The following WDPCP variants were observed in gnomAD, a reference collection of about 807,000 sequenced individuals.
WDPCP encodes WD repeat-containing and planar cell polarity effector protein fritz homolog.
Under a neutral mutation model 93.1 loss-of-function variants are expected in WDPCP, and 71 were observed. That is an observed-to-expected ratio of 0.76 (90% CI 0.63 to 0.93). WDPCP has a LOEUF of 0.93. WDPCP is among the 40% of genes least tolerant of loss of function. WDPCP has a pLI of 0.00. For synonymous variants in WDPCP, 315 were observed against 315.0 expected (o/e 1.00, Z 0.00); for missense variants, 844 against 887.4 (o/e 0.95, Z 0.62).
intron 1 of WDPCP, among the ~76,000 whole-genome samples, chr2:63,525,438 CTT>C (rs976792656): frequency 6.6e-6 from 1 of 152,138 alleles, no homozygotes; most frequent in Non-Finnish European, 1.5e-5. Context: ...TAAAAAGTCT[CTT>C]TCTCTCATTG....
intron 2 of WDPCP, among the ~76,000 whole-genome samples, chr2:63,725,588 T>C (rs1669485805): frequency 1.3e-5 from 2 of 152,234 alleles, no homozygotes; most frequent in Non-Finnish European, 2.9e-5. Context: ...AGTCAAATGG[T>C]AGCTCTGTTT....
chr2:63,608,578 G>A (rs1709579274), intron 3 of WDPCP, among the ~76,000 whole-genome samples: 1 of 152,120 alleles, frequency 6.6e-6, no homozygotes, highest in Non-Finnish European at 1.5e-5. Context: ...GGAGGCCAGG[G>A]CAGGAGGATT....
intron 2 of WDPCP, among the ~76,000 whole-genome samples, chr2:63,762,199 G>A (rs1659694611): frequency 6.6e-6 from 1 of 152,160 alleles, no homozygotes; most frequent in Non-Finnish European, 1.5e-5. Context: ...GTAAATGTGG[G>A]AGTCTGAATC....
intron 2 of WDPCP, among the ~76,000 whole-genome samples, chr2:63,808,648 A>G (rs528902682): frequency 1.2e-3 from 176 of 152,248 alleles, no homozygotes; most frequent in Middle Eastern, 0.01. Context: ...TTAGTGCTCA[A>G]TGGTGCCCAG....
intron 10 of WDPCP, among the ~76,000 whole-genome samples, chr2:63,392,510 G>A (rs893580112): frequency 4.6e-5 from 7 of 152,002 alleles, no homozygotes; most frequent in Non-Finnish European, 7.4e-5. Flanking sequence ...CAAAAGCAAT[G>A]GCAACAAAAG....
intron 13 of WDPCP, among the ~76,000 whole-genome samples, chr2:63,280,442 G>C (rs373073703): frequency 6.6e-6 from 1 of 152,114 alleles, no homozygotes; most frequent in Non-Finnish European, 1.5e-5. Flanking sequence ...CCCACAACAC[G>C]TGGGAATTCT....
intron 13 of WDPCP, among the ~76,000 whole-genome samples, chr2:63,281,845 A>T (rs1683578858): frequency 6.6e-6 from 1 of 152,150 alleles, no homozygotes; most frequent in Non-Finnish European, 1.5e-5. Context: ...GGTGCGGTGA[A>T]TGATAAAAGA....
At chr2:63,279,688 T>C (rs1313597891) in intron 13 of WDPCP, among the ~76,000 whole-genome samples, 1 of 152,186 alleles carries the variant, frequency 6.6e-6, no homozygotes, top group Non-Finnish European at 1.5e-5. Context: ...TTGCTGATGT[T>C]ATGATCATAT....
chr2:63,439,846 A>G lies in WDPCP; in HGVS notation c.410T>C (p.Val137Ala), dbSNP rs780789710. The G allele has an allele frequency of 1.7e-5, 27 of 1,613,272 alleles. No individual in the cohort carries two copies. In the South Asian group the frequency reaches 2.1e-4, roughly 12 times the overall value. ...CTGCGGCCCAGAAAGGCTTAGAGAC[A>G]CCAGCACACCTGAACCAAAAAGGAG... is the stretch of plus-strand genomic sequence containing the variant. ...CQLLFGSGVL[V>A]SLSLSGPQLE... The change falls in exon 7 of 18, where the codon GTG becomes GCG. Residue 137 changes from valine to alanine, a missense_variant. Coordinates refer to ENST00000272321, the MANE Select transcript of WDPCP (RefSeq NM_015910.7).
Position 63,560,491 on chromosome 2 carries a change from GA to G in WDPCP, c.75+27705del, listed in dbSNP as rs1300482353. Among the ~76,000 whole-genome samples the G allele has an allele frequency of 6.6e-5, 10 of 152,112 alleles. No individual in the cohort carries two copies. The East Asian group carries it at 1.9e-3, about 29-fold the overall frequency. On this transcript the variant is annotated intron_variant, in intron 1 of 17. Coordinates refer to ENST00000272321, the MANE Select transcript of WDPCP (RefSeq NM_015910.7). The stretch of plus-strand genomic sequence containing the variant: ...CAAACCTGACAAAAATAAGCAATGG[GA>G]AAAGGATTCCCTATTTAATAAATGC...
chr2:63,252,135 T>C (rs549317899), intron 14 of WDPCP, among the ~76,000 whole-genome samples: 100 of 152,222 alleles, frequency 6.6e-4, no homozygotes, highest in Admixed American at 1.6e-3. Flanking sequence ...GTTCAACATA[T>C]GCAGATCAAT....
chr2:63,304,145 CA>C (rs1239702289), intron 13 of WDPCP, among the ~76,000 whole-genome samples: 1 of 151,980 alleles, frequency 6.6e-6, no homozygotes, highest in Non-Finnish European at 1.5e-5. Context: ...GGCATCTACC[CA>C]AAGGAAAATA....
intron 6 of WDPCP, among the ~76,000 whole-genome samples, chr2:63,460,802 AT>A (rs1171114026): frequency 6.6e-6 from 1 of 151,746 alleles, no homozygotes; most frequent in Non-Finnish European, 1.5e-5. Flanking sequence ...AATTTTTTGT[AT>A]TTTTAGTAGA....
intron 14 of WDPCP, among the ~76,000 whole-genome samples, chr2:63,238,991 C>G (rs532365697): frequency 1.7e-4 from 26 of 152,254 alleles, no homozygotes; most frequent in Admixed American, 1.6e-3. Context: ...GGTCACTGAA[C>G]ATACAGTTGG....
rs946377580 is a variant in WDPCP, at chr2:63,160,375, T to G, written c.2079-6801A>C. Reference sequence around the variant, plus strand: ...TATGTTTATATTACAAAAATGAAATTTAAAGTTATGGCATTTTTGGGCTTT... The same window carrying G: ...TATGTTTATATTACAAAAATGAAATGTAAAGTTATGGCATTTTTGGGCTTT... On this transcript the variant is annotated intron_variant, in intron 15 of 17. Coordinates refer to ENST00000272321, the MANE Select transcript of WDPCP (RefSeq NM_015910.7). Among the ~76,000 whole-genome samples the G allele has an allele frequency of 2.6e-5, 4 of 152,354 alleles. No homozygotes were observed. In the South Asian group the frequency reaches 8.3e-4, roughly 32 times the overall value.
rs543164477 is a variant in WDPCP, at chr2:63,383,823, A to G, written c.1436-1729T>C. Among the ~76,000 whole-genome samples the G allele has an allele frequency of 7.9e-5, 12 of 152,320 alleles. 1 individual carries two copies. In the South Asian group the frequency reaches 2.5e-3, roughly 32 times the overall value. On this transcript the variant is annotated intron_variant, in intron 10 of 17. Coordinates refer to ENST00000272321, the MANE Select transcript of WDPCP (RefSeq NM_015910.7). ...GTATAGGAAATACTTGAAAAACACT[A>G]TCAATGAATTTGACCTAATTGACAT...
At chr2:63,242,112 A>G (rs1311535912) in intron 14 of WDPCP, among the ~76,000 whole-genome samples, 1 of 152,158 alleles carries the variant, frequency 6.6e-6, no homozygotes, top group Non-Finnish European at 1.5e-5. Context: ...TAATAATATG[A>G]GTGATCTTTA....
At chr2:63,292,915 C>T (rs902763989) in intron 13 of WDPCP, among the ~76,000 whole-genome samples, 2 of 152,166 alleles carry the variant, frequency 1.3e-5, no homozygotes, top group Non-Finnish European at 1.5e-5. Flanking sequence ...GTATCTGTTA[C>T]ACATCCACCA....
At chr2:63,648,446 A>T (rs1181058497) in intron 3 of WDPCP, among the ~76,000 whole-genome samples, 7 of 152,226 alleles carry the variant, frequency 4.6e-5, no homozygotes, top group Non-Finnish European at 1.0e-4. Flanking sequence ...TCATTCAATG[A>T]GTTGGGAAAT....
Sources: allele counts gnomAD v4.1 joint callset (sites outside exome capture counted in the v4.1 genomes callset), GRCh38; gene constraint gnomAD v4.1.1; transcripts MANE v1.5; gene names NCBI Gene and HGNC (gene_info 2026-07-23, HGNC 2026-07-21).